DENND11: variants seen among roughly 807,000 people sequenced by gnomAD.
DENND11 encodes the protein DENN domain-containing protein 11.
In DENND11, 34 loss-of-function variants were observed where a neutral mutation model predicts 49.2. That is an observed-to-expected ratio of 0.69 (90% CI 0.53 to 0.92). The LOEUF is 0.92. DENND11 is among the 40% of genes least tolerant of loss of function. The pLI is 0.00. For missense variants in DENND11, 475 were observed against 581.6 expected (o/e 0.82, Z 1.88); for synonymous variants, 238 against 230.3 (o/e 1.03, Z -0.30).
chr7:141,663,092 C>T, intron 8 of DENND11: 1 of 386,346 alleles, frequency 2.6e-6, no homozygotes. Context: ...AGCAAGATGG[C>T]CTGTCAAAAT....
intron 4 of DENND11, among the ~76,000 whole-genome samples, chr7:141,670,256 T>C (rs1797960082): frequency 6.6e-6 from 1 of 152,170 alleles, no homozygotes; most frequent in Non-Finnish European, 1.5e-5. Context: ...CATCAATACT[T>C]TCCATGTTTA....
intron 8 of DENND11, chr7:141,663,467 GAC>G (rs1797837292): frequency 6.6e-6 from 1 of 152,362 alleles, no homozygotes; most frequent in Admixed American, 6.5e-5. Context: ...AGGAATTTCA[GAC>G]ACAGTGGCAC....
chr7:141,662,319 A>T lies in DENND11; in HGVS notation c.*337T>A, dbSNP rs118049677. On this transcript the variant is annotated 3_prime_UTR_variant, in exon 9 of 9. Coordinates refer to ENST00000536163, the MANE Select transcript of DENND11 (RefSeq NM_001080392.2). ...TTCTCAAATACATCAAGGGACAAAG[A>T]CCACACAGACTTTCTGAACAGTCCA... The T allele has an allele frequency of 5.3e-4, 137 of 260,702 alleles. 2 individuals are homozygous for T. In the East Asian group the frequency reaches 8.1e-3, roughly 16 times the overall value. 16.1% of individuals were successfully genotyped at this position (260,702 alleles called of 1,614,324 possible).
At chr7:141,673,978 TA>T (rs1798024783) in intron 4 of DENND11, 88 bp downstream of exon 4, 3 of 1,439,294 alleles carry the variant, frequency 2.1e-6, no homozygotes, top group Non-Finnish European at 2.8e-6. Context: ...TCCAAAGACA[TA>T]AATTTTTTAT....
intron 1 of DENND11, among the ~76,000 whole-genome samples, chr7:141,695,330 T>C (rs1484804940): frequency 6.6e-6 from 1 of 152,020 alleles, no homozygotes; most frequent in African/African-American, 2.4e-5. Context: ...AACTTACAAA[T>C]TGGGGAAAAT....
rs1343740604 is a variant in DENND11, at chr7:141,658,933, C to T, written c.*3723G>A. 1 of 152,542 alleles carries T rather than the reference C, an allele frequency of 6.6e-6. No homozygotes were observed. Among genetic ancestry groups the T allele is most frequent in the Admixed American group, 6.5e-5 (1 of 15,278 alleles). The allele number at this position is 152,542 out of a possible 1,614,324, so 9.4% of individuals were successfully genotyped here. A position where few individuals can be genotyped will look rare whatever the true frequency, so the allele number is the denominator to read the frequency against. On this transcript the variant is annotated 3_prime_UTR_variant, in exon 9 of 9. Coordinates refer to ENST00000536163, the MANE Select transcript of DENND11 (RefSeq NM_001080392.2). ...GCATCAAGACTGAGAGCAAATTCAT[C>T]CTCATAGCCACCAGAAGGAAAAACA...
At chr7:141,691,702 T>C (rs1473598022) in intron 1 of DENND11, among the ~76,000 whole-genome samples, 1 of 152,202 alleles carries the variant, frequency 6.6e-6, no homozygotes, top group African/African-American at 2.4e-5. Context: ...GAGGTATCCT[T>C]ATCCCATGGC....
Position 141,660,897 on chromosome 7 carries a change from A to C in DENND11, c.*1759T>G, listed in dbSNP as rs543012087. ...CTGAAATGACAGCAACCCACATTGC[A>C]GAGGAGAAAAGTCTATTAGCTGTAC... On this transcript the variant is annotated 3_prime_UTR_variant, in exon 9 of 9. Transcript: ENST00000536163. The C allele has an allele frequency of 6.1e-4, 93 of 152,740 alleles. No homozygotes were observed. Among genetic ancestry groups the C allele is most frequent in the African/African-American group, 2.2e-3 (92 of 41,548 alleles). 9.5% of individuals were successfully genotyped at this position (152,740 alleles called of 1,614,324 possible). A position where few individuals can be genotyped will look rare whatever the true frequency, so the allele number is the denominator to read the frequency against.
chr7:141,668,454 C>T (rs982513917), intron 4 of DENND11, among the ~76,000 whole-genome samples: 1 of 152,112 alleles, frequency 6.6e-6, no homozygotes, highest in Non-Finnish European at 1.5e-5. Context: ...GGTGTGGTGT[C>T]GCGTGCCTGT....
At position 141,664,219 on chromosome 7, in the gene DENND11, C is replaced by A; in HGVS notation, c.1125G>T (p.Gln375His). 1.3e-6 allele frequency: 2 copies of A among 1,584,864 alleles called. No individual in the cohort carries two copies. Among genetic ancestry groups the A allele is most frequent in the Non-Finnish European group, 1.7e-6 (2 of 1,163,900 alleles). ...NEQRQMLLYS[Q>H]EVEEDYNPCE... The stretch of plus-strand genomic sequence containing the variant: ...AAGGGTTGTAGTCTTCTTCTACTTC[C>A]TGGGAGTACAACAGCATCTGCCTGT... The change falls in exon 8 of 9, where the codon CAG (glutamine) becomes CAT (histidine). Residue 375 changes from glutamine (Q) to histidine (H), a missense_variant. By Grantham distance (24) the Gln-to-His change is conservative (BLOSUM62 0). Transcript: ENST00000536163.
intron 3 of DENND11, among the ~76,000 whole-genome samples, chr7:141,676,207 T>C (rs1270704224): frequency 6.6e-6 from 1 of 152,178 alleles, no homozygotes; most frequent in Non-Finnish European, 1.5e-5. Context: ...TTTTCTGTGT[T>C]ATAGGGGGCT....
At position 141,701,940 on chromosome 7, in the gene DENND11, C is replaced by T. The variant is rs1356812908; in HGVS notation, c.214G>A (p.Val72Met). 2 of 1,201,056 alleles carry T rather than the reference C, an allele frequency of 1.7e-6. No homozygotes were observed. The highest frequency in any genetic ancestry group is 3.8e-5 in the South Asian group (1 of 25,994). 74.4% of individuals were successfully genotyped at this position (1,201,056 alleles called of 1,614,324 possible). The change falls in exon 1 of 9, where the codon GTG (valine) becomes ATG (methionine). Residue 72 changes from valine (V) to methionine (M), a missense_variant. Coordinates refer to ENST00000536163, the MANE Select transcript of DENND11 (RefSeq NM_001080392.2). ...LQPGRLELGDVEEDQVVAVFV... is the reference protein window; with the variant it reads ...LQPGRLELGDMEEDQVVAVFV... Reference sequence around the variant, plus strand: ...ACGGCCACCACCTGGTCCTCCTCCACGTCGCCCAGCTCCAGGCGCCCGGGC... The same window carrying T: ...ACGGCCACCACCTGGTCCTCCTCCATGTCGCCCAGCTCCAGGCGCCCGGGC...
intron 1 of DENND11, among the ~76,000 whole-genome samples, chr7:141,699,768 C>A (rs891020775): frequency 2.0e-5 from 3 of 152,232 alleles, no homozygotes; most frequent in Admixed American, 6.5e-5. Context: ...TATGTTCCCT[C>A]ATTTACAAAT....
chr7:141,672,104 C>T (rs1797991517), intron 4 of DENND11, among the ~76,000 whole-genome samples: 1 of 152,210 alleles, frequency 6.6e-6, no homozygotes, highest in South Asian at 2.1e-4. Context: ...CTGAGAGGTC[C>T]CAGCACAGAT....
chr7:141,694,274 A>T (rs981048093), intron 1 of DENND11, among the ~76,000 whole-genome samples: 1 of 152,098 alleles, frequency 6.6e-6, no homozygotes, highest in African/African-American at 2.4e-5. Flanking sequence ...GAAGTATTTT[A>T]TTTTATTTTA....
intron 4 of DENND11, among the ~76,000 whole-genome samples, chr7:141,668,166 A>G (rs1797923981): frequency 6.6e-6 from 1 of 152,320 alleles, no homozygotes; most frequent in South Asian, 2.1e-4. Flanking sequence ...CGATTAAAAT[A>G]TAGCCTGACA....
chr7:141,689,951 G>A (rs775258877), intron 1 of DENND11, among the ~76,000 whole-genome samples: 12 of 152,200 alleles, frequency 7.9e-5, no homozygotes, highest in Admixed American at 1.3e-4. Flanking sequence ...TTACAGCAAC[G>A]GGCACTGCTG....
At chr7:141,671,140 T>A (rs902930550) in intron 4 of DENND11, among the ~76,000 whole-genome samples, 1 of 152,184 alleles carries the variant, frequency 6.6e-6, no homozygotes, top group Non-Finnish European at 1.5e-5. Context: ...GATGGATAGA[T>A]CCTGAGGAGT....
At position 141,658,418 on chromosome 7, in the gene DENND11, G is replaced by C. The variant is rs1797732403; in HGVS notation, c.*4238C>G. 6.6e-6 allele frequency: 1 copy of C among 152,160 alleles called. No homozygotes were observed. Among genetic ancestry groups the C allele is most frequent in the African/African-American group, 2.4e-5 (1 of 41,428 alleles). The allele number at this position is 152,160 out of a possible 1,614,324, so 9.4% of individuals were successfully genotyped here. On this transcript the variant is annotated 3_prime_UTR_variant, in exon 9 of 9. Coordinates refer to ENST00000536163, the MANE Select transcript of DENND11 (RefSeq NM_001080392.2). ...ACAAAAGGGTTTTCCTGAAATGAGA[G>C]GGGATGGGACTGGGGTCAGCAGGAT...
Sources: allele counts gnomAD v4.1 joint callset (sites outside exome capture counted in the v4.1 genomes callset), GRCh38; gene constraint gnomAD v4.1.1; transcripts MANE v1.5; gene names NCBI Gene and HGNC (gene_info 2026-07-23, HGNC 2026-07-21).